Variants in PJA2 observed in about 807,000 individuals in gnomAD.
The protein encoded by PJA2 is praja ring finger ubiquitin ligase 2, also known as E3 ubiquitin-protein ligase Praja-2.
Under a neutral mutation model 69.3 loss-of-function variants are expected in PJA2, and 25 were observed. The observed-to-expected ratio is 0.36, with a 90% CI of 0.26 to 0.50. The LOEUF (loss-of-function observed/expected upper bound fraction) is 0.50, where lower values mean the gene tolerates loss of function less well. Ranked by LOEUF, PJA2 falls within the 20% of genes least tolerant of loss-of-function variation. The pLI, the probability that PJA2 is intolerant of heterozygous loss-of-function variation, is 0.96. For synonymous variants in PJA2, 308 were observed against 277.8 expected (o/e 1.11, Z -1.08); for missense variants, 809 against 830.2 (o/e 0.97, Z 0.31).
chr5:109,365,952 T>C (rs989216267), intron 5 of PJA2, among the ~76,000 whole-genome samples: 20 of 152,194 alleles, frequency 1.3e-4, no homozygotes, highest in African/African-American at 4.8e-4. Context: ...TTTCTCCCTT[T>C]GGTCAAAGCT....
intron 7 of PJA2, among the ~76,000 whole-genome samples, chr5:109,348,191 T>C (rs972270238): frequency 3.3e-5 from 5 of 152,190 alleles, no homozygotes; most frequent in Non-Finnish European, 5.9e-5. Context: ...GCAACAGTGA[T>C]CTAACTGTAA....
chr5:109,379,311 T>G lies in PJA2; in HGVS notation c.233-57A>C, dbSNP rs1005572474. 2.5e-6 allele frequency: 3 copies of G among 1,217,498 alleles called. No homozygotes were observed. The Admixed American group carries it at 7.8e-5, about 32-fold the overall frequency. 75.4% of individuals were successfully genotyped at this position (1,217,498 alleles called of 1,614,324 possible). On this transcript the variant is annotated intron_variant, in intron 3 of 9. Transcript: ENST00000361189. The stretch of plus-strand genomic sequence containing the variant: ...AAGGATTAACTTAGATAAAATTTTA[T>G]GTAATAACTATCACTTAAGTGGAAA...
At chr5:109,367,968 T>G (rs1762613037) in intron 5 of PJA2, among the ~76,000 whole-genome samples, 1 of 152,226 alleles carries the variant, frequency 6.6e-6, no homozygotes, top group Admixed American at 6.5e-5. Context: ...TGTCTATGGC[T>G]ACTTTTATAC....
At chr5:109,390,325 T>C (rs909375947) in intron 1 of PJA2, among the ~76,000 whole-genome samples, 3 of 151,980 alleles carry the variant, frequency 2.0e-5, no homozygotes, top group Non-Finnish European at 4.4e-5. Context: ...GGCCCACTCA[T>C]CATGATTTTT....
At chr5:109,401,563 A>G (rs1016261552) in intron 1 of PJA2, among the ~76,000 whole-genome samples, 5 of 152,264 alleles carry the variant, frequency 3.3e-5, no homozygotes, top group Non-Finnish European at 7.3e-5. Flanking sequence ...CCAAATTCTT[A>G]TTTGAAACTG....
At chr5:109,363,918 G>A (rs554265084) in intron 5 of PJA2, among the ~76,000 whole-genome samples, 4 of 152,242 alleles carry the variant, frequency 2.6e-5, no homozygotes, top group South Asian at 2.1e-4. Flanking sequence ...TTGGGAGTCC[G>A]AGTCAGGCAG....
At chr5:109,342,204 G>A (rs1762081019) in intron 9 of PJA2, among the ~76,000 whole-genome samples, 2 of 75,188 alleles carry the variant, frequency 2.7e-5, no homozygotes, top group African/African-American at 1.1e-4. Context: ...GGTGGGGGGG[G>A]GTCAGCCCCC....
chr5:109,344,667 A>C lies in PJA2; in HGVS notation c.1879+38T>G, dbSNP rs1012764879. 8 of 1,327,640 alleles carry C rather than the reference A, an allele frequency of 6.0e-6. No individual in the cohort carries two copies. The African/African-American group carries it at 8.7e-5, about 14-fold the overall frequency. The allele number at this position is 1,327,640 out of a possible 1,614,324, so 82.2% of individuals were successfully genotyped here. A position where few individuals can be genotyped will look rare whatever the true frequency, so the allele number is the denominator to read the frequency against. On this transcript the variant is annotated intron_variant, in intron 8 of 9. Transcript: ENST00000361189. Reference sequence around the variant, plus strand: ...TATTGATAATATACTTAAATGTACAATGTGTTCTTCAACATTTGAGATCAA... The same window carrying C: ...TATTGATAATATACTTAAATGTACACTGTGTTCTTCAACATTTGAGATCAA...
chr5:109,365,501 T>G (rs2127000078), intron 5 of PJA2, among the ~76,000 whole-genome samples: 1 of 152,288 alleles, frequency 6.6e-6, no homozygotes, highest in East Asian at 1.9e-4. Flanking sequence ...TCTTTAGAAG[T>G]TCAAAAAGGA....
intron 4 of PJA2, among the ~76,000 whole-genome samples, chr5:109,376,587 T>C (rs1746892715): frequency 6.6e-6 from 1 of 151,852 alleles, no homozygotes; most frequent in Non-Finnish European, 1.5e-5. Flanking sequence ...GACAAAGGTA[T>C]AGCCAAATTA....
At chr5:109,403,435 A>C (rs1747608336) in intron 1 of PJA2, among the ~76,000 whole-genome samples, 1 of 151,850 alleles carries the variant, frequency 6.6e-6, no homozygotes, top group South Asian at 2.1e-4. Context: ...TGCAAACTCT[A>C]AAAAAAATTG....
At chr5:109,381,743 G>T in intron 2 of PJA2, 40 bp from the exon 3 acceptor site, 2 of 1,578,278 alleles carry the variant, frequency 1.3e-6, no homozygotes, top group South Asian at 2.2e-5. Context: ...GAACAGCAAT[G>T]AGCTTTATTC....
chr5:109,361,913 G>C (rs1762512538), intron 6 of PJA2, among the ~76,000 whole-genome samples: 1 of 152,192 alleles, frequency 6.6e-6, no homozygotes, highest in African/African-American at 2.4e-5. Context: ...GAGAAGTACA[G>C]AGAAGTAGCT....
chr5:109,339,974 A>T (rs888442732), intron 9 of PJA2, among the ~76,000 whole-genome samples: 1 of 152,210 alleles, frequency 6.6e-6, no homozygotes, highest in East Asian at 1.9e-4. Context: ...TTTAAAACTA[A>T]TTCAGAATCC....
At chr5:109,393,827 A>G (rs1236508035) in intron 1 of PJA2, among the ~76,000 whole-genome samples, 1 of 152,182 alleles carries the variant, frequency 6.6e-6, no homozygotes. Context: ...TGGATCTCAC[A>G]AAAATGAATG....
intron 4 of PJA2, among the ~76,000 whole-genome samples, chr5:109,374,128 TAA>T (rs1442385455): frequency 1.3e-5 from 2 of 152,244 alleles, no homozygotes; most frequent in Non-Finnish European, 2.9e-5. Flanking sequence ...TCCAAATATA[TAA>T]GTCTGCTTAA....
chr5:109,403,002 A>T (rs1424790522), intron 1 of PJA2, among the ~76,000 whole-genome samples: 1 of 152,082 alleles, frequency 6.6e-6, no homozygotes, highest in Non-Finnish European at 1.5e-5. Context: ...GAGGAATTTA[A>T]ACCCAAAGCA....
intron 5 of PJA2, 51 bp from the exon 6 acceptor site, chr5:109,363,073 A>G (rs961644657): frequency 1.4e-6 from 2 of 1,446,600 alleles, no homozygotes; most frequent in Non-Finnish European, 9.4e-7. Flanking sequence ...AAAACATACC[A>G]TAACACTGTC....
chr5:109,356,029 GAAA>G lies in PJA2; in HGVS notation c.1653-6_1653-4del, dbSNP rs199524515. 19 of 1,385,944 alleles carry G rather than the reference GAAA, an allele frequency of 1.4e-5. No individual in the cohort carries two copies. The highest frequency in any genetic ancestry group is 5.0e-5 in the East Asian group (2 of 39,880). 85.9% of individuals were successfully genotyped at this position (1,385,944 alleles called of 1,614,324 possible). A position where few individuals can be genotyped will look rare whatever the true frequency, so the allele number is the denominator to read the frequency against. The stretch of plus-strand genomic sequence containing the variant: ...CATCTGCAAAGCCATCAAATAGGCT[GAAA>G]AAAAAAAAAAATAACAGAAAAAACT... On this transcript the variant is annotated splice_region_variant and splice_polypyrimidine_tract_variant and intron_variant, in intron 6 of 9. Transcript: ENST00000361189.
Sources: allele counts gnomAD v4.1 joint callset (sites outside exome capture counted in the v4.1 genomes callset), GRCh38; gene constraint gnomAD v4.1.1; transcripts MANE v1.5; gene names NCBI Gene and HGNC (gene_info 2026-07-23, HGNC 2026-07-21).